Variants in PHKA2 observed in about 807,000 individuals in gnomAD.
PHKA2 encodes the protein phosphorylase kinase regulatory subunit alpha 2.
PHKA2 carries 31 observed loss-of-function variants against 102.0 expected under a neutral mutation model. The ratio of observed to expected loss-of-function variants is 0.30; its 90% confidence interval spans 0.23 to 0.41. The LOEUF (loss-of-function observed/expected upper bound fraction) is 0.41, where lower values mean the gene tolerates loss of function less well. PHKA2 is among the 10% of genes least tolerant of loss of function. PHKA2 has a pLI of 1.00. For missense variants in PHKA2, 858 were observed against 1,023.1 expected, an observed-to-expected ratio of 0.84 and a Z score of 2.20; for synonymous variants, 455 against 416.2, an observed-to-expected ratio of 1.09 and a Z score of -1.13.
At chrX:18,955,756 T>TA (rs1459958890) in intron 1 of PHKA2, among the ~76,000 whole-genome samples, 4 of 112,269 alleles carry the variant, frequency 3.6e-5, no homozygotes, top group African/African-American at 1.3e-4. Context: ...CAATATTAAG[T>TA]AAAAAACACT....
rs10521685 is a variant in PHKA2, at chrX:18,925,991, A to G, written c.1460-214T>C. Among the ~76,000 whole-genome samples, 3,542 of 111,803 alleles carry G rather than the reference A, an allele frequency of 0.032. 78 individuals carry two copies. The highest frequency in any genetic ancestry group is 0.087 in the African/African-American group (2,665 of 30,799). On this transcript the variant is annotated intron_variant, in intron 14 of 32. Coordinates refer to ENST00000379942, the MANE Select transcript of PHKA2 (RefSeq NM_000292.3). Reference sequence around the variant, plus strand: ...TCATGAATGTATATGAACAGTACCCAGTTGGAACTGCATGGAATAAAACTA... The same window carrying G: ...TCATGAATGTATATGAACAGTACCCGGTTGGAACTGCATGGAATAAAACTA...
At chrX:18,981,024 G>A (rs188837887) in intron 1 of PHKA2, among the ~76,000 whole-genome samples, 1 of 111,797 alleles carries the variant, frequency 8.9e-6, no homozygotes, top group African/African-American at 3.2e-5. Context: ...AGCAGGTGGG[G>A]AGATACAACA....
intron 26 of PHKA2, among the ~76,000 whole-genome samples, chrX:18,903,561 G>T (rs1344732044): frequency 8.9e-6 from 1 of 112,515 alleles, no homozygotes; most frequent in Non-Finnish European, 1.9e-5. Flanking sequence ...CTGGAGGAGA[G>T]CCCATGCCCA....
At chrX:18,950,793 C>T (rs780117913) in intron 4 of PHKA2, among the ~76,000 whole-genome samples, 2 of 112,192 alleles carry the variant, frequency 1.8e-5, no homozygotes, top group South Asian at 7.4e-4. Context: ...TCTTACAAAA[C>T]ACACTTCGTG....
chrX:18,944,586 T>C (rs146050151), intron 6 of PHKA2, among the ~76,000 whole-genome samples: 1 of 111,561 alleles, frequency 9.0e-6, no homozygotes, highest in Non-Finnish European at 1.9e-5. Flanking sequence ...GTATTTTAAA[T>C]GAGTTTGAAT....
At chrX:18,916,085 T>G (rs1033893758) in intron 19 of PHKA2, among the ~76,000 whole-genome samples, 3 of 111,832 alleles carry the variant, frequency 2.7e-5, no homozygotes, top group Non-Finnish European at 3.8e-5. Flanking sequence ...TCCTAAACAC[T>G]TTCAAAGAGA....
intron 29 of PHKA2, among the ~76,000 whole-genome samples, chrX:18,898,461 C>T (rs1181730897): frequency 8.8e-6 from 1 of 113,181 alleles, no homozygotes; most frequent in Non-Finnish European, 1.9e-5. Flanking sequence ...CTGGGACTAT[C>T]TGGCACTTTT....
intron 7 of PHKA2, 105 bp from the exon 8 acceptor site, chrX:18,941,780 A>C: frequency 1.7e-6 from 1 of 586,756 alleles, no homozygotes; most frequent in Admixed American, 2.3e-5. Context: ...TACGGTTGCC[A>C]ATTTTGAGTA....
chrX:18,977,412 C>T (rs1018784768), intron 1 of PHKA2, among the ~76,000 whole-genome samples: 2 of 111,756 alleles, frequency 1.8e-5, no homozygotes, highest in Non-Finnish European at 3.8e-5. Context: ...TGTACTTAAT[C>T]GAATTTGTTT....
chrX:18,929,722 A>G (rs756659823), intron 12 of PHKA2, among the ~76,000 whole-genome samples: 1 of 111,967 alleles, frequency 8.9e-6, no homozygotes, highest in Non-Finnish European at 1.9e-5. Context: ...CCTCAGAAGC[A>G]TAAGTTTTCC....
rs2048196346 is a variant in PHKA2, at chrX:18,925,563, A to T, written c.1569+105T>A. ...TCTTGGTATCATTTCATATGTCTCT[A>T]TTTGAACCTATGCATGCAGAATTCT... On this transcript the variant is annotated intron_variant, in intron 15 of 32. Coordinates refer to ENST00000379942, the MANE Select transcript of PHKA2 (RefSeq NM_000292.3). 8 of 562,003 alleles carry T rather than the reference A, an allele frequency of 1.4e-5. No individual in the cohort carries two copies. In the South Asian group the frequency reaches 1.6e-4, roughly 12 times the overall value. The allele number at this position is 562,003 out of a possible 1,213,427, so 46.3% of individuals were successfully genotyped here.
rs774519755 is a variant in PHKA2, at chrX:18,895,118, C to A, written c.3336+20G>T. On this transcript the variant is annotated intron_variant, in intron 31 of 32. Transcript: ENST00000379942. ...TGTGAACCCACAGAGGGGCCCGCCT[C>A]TGCGTTTTTCTCATCGTACCTCTCG... The A allele has an allele frequency of 3.3e-6, 4 of 1,205,050 alleles. No homozygotes were observed. In the African/African-American group the frequency reaches 7.0e-5, roughly 21 times the overall value.
chrX:18,931,559 G>A (rs2048315260), intron 12 of PHKA2, 82 bp downstream of exon 12: 1 of 686,161 alleles, frequency 1.5e-6, no homozygotes. Flanking sequence ...CGCACGCCTG[G>A]CAGAGAGTCC....
At chrX:18,897,440 A>G in intron 29 of PHKA2, 107 bp from the exon 30 acceptor site, 3 of 699,280 alleles carry the variant, frequency 4.3e-6, no homozygotes, top group Non-Finnish European at 6.4e-6. Flanking sequence ...ATGCCAGAAC[A>G]CCACTCGCCA....
At chrX:18,971,620 C>A in intron 1 of PHKA2, among the ~76,000 whole-genome samples, 1 of 112,431 alleles carries the variant, frequency 8.9e-6, no homozygotes, top group Admixed American at 9.4e-5. Flanking sequence ...AGATGGAAAC[C>A]TGAATCCAAT....
chrX:18,969,901 T>C (rs763789830), intron 1 of PHKA2, among the ~76,000 whole-genome samples: 1 of 112,760 alleles, frequency 8.9e-6, no homozygotes, highest in Admixed American at 9.4e-5. Context: ...TCTATACTTA[T>C]TGTTCTATAA....
At chrX:18,908,718 G>T in intron 21 of PHKA2, 83 bp downstream of exon 21, 1 of 882,065 alleles carries the variant, frequency 1.1e-6, no homozygotes, top group Non-Finnish European at 1.7e-6. Flanking sequence ...CTCCGGAACT[G>T]TGAGAAATTC....
Position 18,927,303 on chromosome X carries a change from G to A in PHKA2, c.1325-716C>T, listed in dbSNP as rs377738136. ...CCCATGGAGGAGGGAGGCCATCACC[G>A]GGGACAACCCGGGATCGGCTAGGCT... On this transcript the variant is annotated intron_variant, in intron 13 of 32. Coordinates refer to ENST00000379942, the MANE Select transcript of PHKA2 (RefSeq NM_000292.3). 4.7e-4 allele frequency among the ~76,000 whole-genome samples: 53 copies of A among 112,426 alleles called. 1 individual carries two copies. Among genetic ancestry groups the A allele is most frequent in the African/African-American group, 1.6e-3 (51 of 31,004 alleles).
intron 19 of PHKA2, among the ~76,000 whole-genome samples, chrX:18,914,145 G>A (rs1329378792): frequency 8.9e-6 from 1 of 112,635 alleles, no homozygotes; most frequent in African/African-American, 3.2e-5. Flanking sequence ...TGTGAGCAGT[G>A]CATGGTGCTA....
Sources: allele counts gnomAD v4.1 joint callset (sites outside exome capture counted in the v4.1 genomes callset), GRCh38; gene constraint gnomAD v4.1.1; transcripts MANE v1.5; gene names NCBI Gene and HGNC (gene_info 2026-07-23, HGNC 2026-07-21).